MARCHF10: variants seen among roughly 807,000 people sequenced by gnomAD.
MARCHF10 encodes the protein membrane associated ring-CH-type finger 10, also known as probable E3 ubiquitin-protein ligase MARCHF10.
In MARCHF10, 64 loss-of-function variants were observed where a neutral mutation model predicts 76.2. The observed-to-expected ratio is 0.84, with a 90% CI of 0.69 to 1.03. MARCHF10 has a LOEUF of 1.03. Among genes scored for constraint, MARCHF10 ranks in the 50% least tolerant of loss-of-function variants. The probability of loss-of-function intolerance (pLI) is 0.00; values close to 1 mark genes in which losing one functional copy is unlikely to be tolerated. For synonymous variants in MARCHF10, 340 were observed against 357.5 expected (o/e 0.95, Z 0.55); for missense variants, 875 against 958.0 (o/e 0.91, Z 1.14).
chr17:62,752,316 T>C (rs1421775912), intron 4 of MARCHF10, among the ~76,000 whole-genome samples: 1 of 152,170 alleles, frequency 6.6e-6, no homozygotes, highest in African/African-American at 2.4e-5. Context: ...CTGCAGGCCC[T>C]TGGGTCCTAC....
chr17:62,716,835 G>C (rs1426311514), intron 8 of MARCHF10, among the ~76,000 whole-genome samples: 2 of 152,136 alleles, frequency 1.3e-5, no homozygotes, highest in African/African-American at 4.8e-5. Flanking sequence ...TACATGTCTA[G>C]ACTTGTACAC....
At chr17:62,713,940 T>G (rs558061858) in intron 8 of MARCHF10, among the ~76,000 whole-genome samples, 2 of 152,376 alleles carry the variant, frequency 1.3e-5, no homozygotes, top group Non-Finnish European at 2.9e-5. Flanking sequence ...AATATTCATT[T>G]AGGCCAAGAG....
intron 3 of MARCHF10, among the ~76,000 whole-genome samples, chr17:62,778,752 G>C (rs946895711): frequency 4.0e-5 from 6 of 151,704 alleles, no homozygotes; most frequent in Admixed American, 1.3e-4. Context: ...AAAGTGGACA[G>C]ATTTGAGGGA....
intron 3 of MARCHF10, among the ~76,000 whole-genome samples, chr17:62,766,685 G>T (rs2092340260): frequency 6.6e-6 from 1 of 152,046 alleles, no homozygotes; most frequent in Admixed American, 6.6e-5. Flanking sequence ...ACACCAGGGG[G>T]CTTGGCCATC....
intron 1 of MARCHF10, chr17:62,804,776 C>T (rs2093136523): frequency 6.6e-6 from 1 of 152,080 alleles, no homozygotes; most frequent in African/African-American, 2.4e-5. Flanking sequence ...TGTTTGTTGT[C>T]TACTGAAGCT....
intron 2 of MARCHF10, among the ~76,000 whole-genome samples, chr17:62,798,864 G>A (rs1293431903): frequency 6.6e-6 from 1 of 152,234 alleles, no homozygotes; most frequent in African/African-American, 2.4e-5. Context: ...GGGCTGGAGA[G>A]CAGAGGGCCT....
chr17:62,740,743 C>T (rs2091475555), intron 5 of MARCHF10, among the ~76,000 whole-genome samples: 1 of 152,026 alleles, frequency 6.6e-6, no homozygotes, highest in African/African-American at 2.4e-5. Context: ...CCTCCTGCCT[C>T]AGCCTCCTGA....
In MARCHF10 at chr17:62,711,465, G is replaced by T. The variant is rs2089927290; in HGVS notation, c.2215-121C>A. 1.4e-5 allele frequency: 12 copies of T among 858,620 alleles called. No homozygotes were observed. The highest frequency in any genetic ancestry group is 1.3e-4 in the East Asian group (5 of 37,472). 53.2% of individuals were successfully genotyped at this position (858,620 alleles called of 1,614,324 possible). On this transcript the variant is annotated intron_variant, in intron 8 of 10. Transcript: ENST00000311269. The surrounding 1 kb of genome is among the most constrained non-coding windows in gnomAD (Gnocchi z 4.4). ...CTGGGAGAAGAGCCCAAGCTCCAAG[G>T]CAAGGCCTGCTCTTGGGGACCAGAA...
At chr17:62,722,685 TTG>T (rs1335416698) in intron 7 of MARCHF10, 88 bp from the exon 8 acceptor site, 1 of 1,054,460 alleles carries the variant, frequency 9.5e-7, no homozygotes, top group African/African-American at 1.6e-5. Flanking sequence ...GGGAGTGAAC[TTG>T]TGTGTGTTAT....
At chr17:62,717,271 A>G (rs1351532825) in intron 8 of MARCHF10, among the ~76,000 whole-genome samples, 1 of 152,240 alleles carries the variant, frequency 6.6e-6, no homozygotes, top group African/African-American at 2.4e-5. Flanking sequence ...GCCTCCAGAC[A>G]GCAGCCGCCC....
Position 62,735,992 on chromosome 17 carries a change from C to T in MARCHF10, c.1876G>A (p.Asp626Asn), listed in dbSNP as rs746386102. The T allele has an allele frequency of 1.2e-6, 2 of 1,613,830 alleles. No individual in the cohort carries two copies. The highest frequency in any genetic ancestry group is 1.7e-6 in the Non-Finnish European group (2 of 1,179,978). Reference sequence around the variant, plus strand: ...TTTATCTTACTGGTTTCCTTTTCATCTGTGAAACCAGAGGCTGCCATCCTG... The same window carrying T: ...TTTATCTTACTGGTTTCCTTTTCATTTGTGAAACCAGAGGCTGCCATCCTG... ...GSRMAASGFTDEKETSKIKAD... is the reference protein window; with the variant it reads ...GSRMAASGFTNEKETSKIKAD... Residue 626 changes from aspartate (D) to asparagine (N), a missense_variant, in exon 6 of 11, where the codon GAT (aspartate) becomes AAT (asparagine). Asp to Asn is a conservative substitution (Grantham distance 23, BLOSUM62 1). Coordinates refer to ENST00000311269, the MANE Select transcript of MARCHF10 (RefSeq NM_152598.4).
intron 4 of MARCHF10, 85 bp from the exon 5 acceptor site, chr17:62,744,613 T>C: frequency 6.8e-7 from 1 of 1,473,172 alleles, no homozygotes; most frequent in South Asian, 1.3e-5. Flanking sequence ...GGCCCAGCAA[T>C]GTTTGGGGGT....
chr17:62,730,388 C>T (rs1290343232), intron 6 of MARCHF10, among the ~76,000 whole-genome samples: 1 of 152,192 alleles, frequency 6.6e-6, no homozygotes, highest in African/African-American at 2.4e-5. Flanking sequence ...ATGGGATAAA[C>T]ATTTTTAAAA....
rs148131934 is a variant in MARCHF10 at position 62,787,768 on chromosome 17, A to G, written c.210+712T>C. Among the ~76,000 whole-genome samples the G allele has an allele frequency of 2.1e-3, 326 of 152,278 alleles. 1 individual carries two copies. The highest frequency in any genetic ancestry group is 7.5e-3 in the African/African-American group (313 of 41,558). On this transcript the variant is annotated intron_variant, in intron 3 of 10. Transcript: ENST00000311269. ...TGGATGGATAGATAGATAGATAGATAGATAGATAAGGATAGGTGATAGATA... is the reference window on the plus strand; with the variant it reads ...TGGATGGATAGATAGATAGATAGATGGATAGATAAGGATAGGTGATAGATA...
intron 2 of MARCHF10, chr17:62,794,890 G>T: frequency 2.4e-6 from 1 of 409,518 alleles, no homozygotes; most frequent in Non-Finnish European, 3.3e-6. Context: ...AATTGTCCTC[G>T]GTGACATTAT....
intron 5 of MARCHF10, among the ~76,000 whole-genome samples, chr17:62,740,434 C>T (rs1419152094): frequency 6.6e-6 from 1 of 152,152 alleles, no homozygotes; most frequent in African/African-American, 2.4e-5. Flanking sequence ...CCAACAGCCA[C>T]ACACTTTTAA....
intron 4 of MARCHF10, among the ~76,000 whole-genome samples, chr17:62,749,640 C>T (rs1197727018): frequency 6.6e-6 from 1 of 152,190 alleles, no homozygotes; most frequent in Non-Finnish European, 1.5e-5. Context: ...TTAATTAAAG[C>T]TTAATTATGT....
At chr17:62,708,314 C>T (rs1289734005) in intron 9 of MARCHF10, among the ~76,000 whole-genome samples, 11 of 151,114 alleles carry the variant, frequency 7.3e-5, no homozygotes, top group African/African-American at 1.2e-4. Context: ...GGCGCCGTCT[C>T]GGCTCACTGC....
At chr17:62,799,731 A>G (rs940562798) in intron 2 of MARCHF10, among the ~76,000 whole-genome samples, 2 of 151,242 alleles carry the variant, frequency 1.3e-5, no homozygotes, top group Non-Finnish European at 2.9e-5. Context: ...GGGCAACAAG[A>G]GCACAACTCT....
Sources: allele counts gnomAD v4.1 joint callset (sites outside exome capture counted in the v4.1 genomes callset), GRCh38; gene constraint gnomAD v4.1.1; non-coding constraint Gnocchi (gnomAD v3.1); transcripts MANE v1.5; gene names NCBI Gene and HGNC (gene_info 2026-07-23, HGNC 2026-07-21).